The following PHACTR4 variants were observed in gnomAD, a reference collection of about 807,000 sequenced individuals.
The protein encoded by PHACTR4 is phosphatase and actin regulator 4.
PHACTR4 carries 51 observed loss-of-function variants against 72.7 expected under a neutral mutation model. That is an observed-to-expected ratio of 0.70 (90% CI 0.56 to 0.89). The LOEUF is 0.89. PHACTR4 is among the 40% of genes least tolerant of loss of function. PHACTR4 has a pLI of 0.00. For missense variants in PHACTR4, 731 were observed against 861.8 expected (o/e 0.85, Z 1.90); for synonymous variants, 255 against 302.5 (o/e 0.84, Z 1.63).
chr1:28,394,408 C>T (rs935231023), intron 1 of PHACTR4, among the ~76,000 whole-genome samples: 31 of 152,026 alleles, frequency 2.0e-4, no homozygotes, highest in Non-Finnish European at 3.2e-4. Flanking sequence ...GACTTATCAT[C>T]CTGAATAGCT....
intron 2 of PHACTR4, among the ~76,000 whole-genome samples, chr1:28,416,112 A>G (rs1304453586): frequency 6.6e-6 from 1 of 152,172 alleles, no homozygotes; most frequent in Non-Finnish European, 1.5e-5. Context: ...CCTCCTCTTT[A>G]AGAATGAAAG....
At chr1:28,404,900 T>C (rs940446810) in intron 1 of PHACTR4, among the ~76,000 whole-genome samples, 1 of 152,154 alleles carries the variant, frequency 6.6e-6, no homozygotes. Flanking sequence ...TAGGTATTTT[T>C]TCTGATCCTC....
At chr1:28,381,208 GT>G (rs1302078624) in intron 1 of PHACTR4, among the ~76,000 whole-genome samples, 1 of 150,402 alleles carries the variant, frequency 6.6e-6, no homozygotes, top group Non-Finnish European at 1.5e-5. Context: ...GTTTCACCAT[GT>G]TGGCAGTCTG....
intron 2 of PHACTR4, among the ~76,000 whole-genome samples, chr1:28,443,927 T>G (rs1168237404): frequency 6.6e-6 from 1 of 152,132 alleles, no homozygotes; most frequent in Admixed American, 6.6e-5. Context: ...TTCCTTTCCT[T>G]TGGATATATT....
chr1:28,453,446 C>A (rs1658125644), intron 2 of PHACTR4: 2 of 307,928 alleles, frequency 6.5e-6, no homozygotes, highest in Non-Finnish European at 1.2e-5. Flanking sequence ...GTTGAATCGC[C>A]TGATGTGATG....
intron 1 of PHACTR4, among the ~76,000 whole-genome samples, chr1:28,394,373 GAAAAA>G (rs551805558): frequency 1.3e-5 from 2 of 151,302 alleles, no homozygotes. Context: ...AAGAAAAAAA[GAAAAA>G]AAAGAAAAGA....
At chr1:28,446,437 A>G (rs912480641) in intron 2 of PHACTR4, among the ~76,000 whole-genome samples, 1 of 152,208 alleles carries the variant, frequency 6.6e-6, no homozygotes, top group Non-Finnish European at 1.5e-5. Context: ...AACACCATCC[A>G]CTTAGTACTG....
intron 6 of PHACTR4, among the ~76,000 whole-genome samples, chr1:28,469,396 C>T (rs544601081): frequency 6.6e-6 from 1 of 152,264 alleles, no homozygotes; most frequent in South Asian, 2.1e-4. Context: ...AAGGAAAAAC[C>T]ACCAGCAATA....
At position 28,387,001 on chromosome 1, in the gene PHACTR4, G is replaced by A. The variant is rs537308751; in HGVS notation, c.-39+17176G>A. ...CCTCAGGCTGGGCGAGATGGCTCAC[G>A]CCTGTAATCCCAGCACTTTGGGAGG... On this transcript the variant is annotated intron_variant, in intron 1 of 13. Coordinates refer to ENST00000373839, the MANE Select transcript of PHACTR4 (RefSeq NM_001048183.3). 1.2e-4 allele frequency among the ~76,000 whole-genome samples: 19 copies of A among 152,070 alleles called. 1 individual carries two copies. In the South Asian group the frequency reaches 2.9e-3, roughly 23 times the overall value.
At chr1:28,496,385 G>A in intron 13 of PHACTR4, 149 bp from the exon 14 acceptor site, 1 of 810,424 alleles carries the variant, frequency 1.2e-6, no homozygotes, top group Non-Finnish European at 2.0e-6. Context: ...AAGCAGATGA[G>A]GAGTATCAGA....
chr1:28,422,716 A>G lies in PHACTR4; in HGVS notation c.16+15253A>G, dbSNP rs545067718. The G allele has an allele frequency of 3.9e-5, 6 of 152,222 alleles. No homozygotes were observed. The East Asian group carries it at 1.2e-3, about 29-fold the overall frequency. The allele number at this position is 152,222 out of a possible 1,614,324, so 9.4% of individuals were successfully genotyped here. ...GTTTAGTGGCGATTTCTTTAGGGCA[A>G]GTTTTTTGTTTTACCGTGTTTGTTT... On this transcript the variant is annotated intron_variant, in intron 2 of 13. Coordinates refer to ENST00000373839, the MANE Select transcript of PHACTR4 (RefSeq NM_001048183.3).
intron 2 of PHACTR4, among the ~76,000 whole-genome samples, chr1:28,409,236 A>G (rs1654593500): frequency 6.6e-6 from 1 of 151,866 alleles, no homozygotes; most frequent in Admixed American, 6.6e-5. Flanking sequence ...CCTGGGCTCA[A>G]GCAGTCTTCC....
intron 9 of PHACTR4, among the ~76,000 whole-genome samples, chr1:28,487,268 C>A (rs558890284): frequency 9.3e-5 from 14 of 150,950 alleles, no homozygotes; most frequent in African/African-American, 3.4e-4. Flanking sequence ...CGGGAGGCTG[C>A]GGCAGGAGAA....
intron 2 of PHACTR4, among the ~76,000 whole-genome samples, chr1:28,409,372 C>G (rs1484000753): frequency 6.6e-6 from 1 of 152,114 alleles, no homozygotes; most frequent in Non-Finnish European, 1.5e-5. Context: ...CTCCACCACT[C>G]CTGGCCCTAT....
chr1:28,438,963 G>A (rs1656815944), intron 2 of PHACTR4, among the ~76,000 whole-genome samples: 1 of 152,156 alleles, frequency 6.6e-6, no homozygotes, highest in Non-Finnish European at 1.5e-5. Context: ...CTTTTCTGAA[G>A]TTAGTACTTT....
chr1:28,371,276 C>T (rs780318094), intron 1 of PHACTR4, among the ~76,000 whole-genome samples: 5 of 152,092 alleles, frequency 3.3e-5, no homozygotes, highest in Middle Eastern at 3.4e-3. Context: ...CTGTGCCCGA[C>T]TATTTAATTT....
rs148740145 is a variant in PHACTR4 at position 28,490,735 on chromosome 1, C to T, written c.1817-216C>T. 6.0e-3 allele frequency among the ~76,000 whole-genome samples: 907 copies of T among 151,200 alleles called. 4 individuals carry two copies. The highest frequency in any genetic ancestry group is 0.021 in the African/African-American group (864 of 41,184). ...GCATGTGCCTGTAATCCCAGCTACT[C>T]GGGAGGCTGAGACAGGAGAATCGCT... On this transcript the variant is annotated intron_variant, in intron 10 of 13. Transcript: ENST00000373839.
At chr1:28,414,956 C>G (rs1476772140) in intron 2 of PHACTR4, among the ~76,000 whole-genome samples, 2 of 152,020 alleles carry the variant, frequency 1.3e-5, no homozygotes, top group Non-Finnish European at 2.9e-5. Context: ...CTGGTGTATA[C>G]TACCAGTTAA....
chr1:28,492,048 T>A (rs1401495771), intron 12 of PHACTR4, among the ~76,000 whole-genome samples: 3 of 152,210 alleles, frequency 2.0e-5, no homozygotes, highest in Non-Finnish European at 4.4e-5. Context: ...CTGGAAGGAA[T>A]AAATACATTT....
Sources: allele counts gnomAD v4.1 joint callset (sites outside exome capture counted in the v4.1 genomes callset), GRCh38; gene constraint gnomAD v4.1.1; transcripts MANE v1.5; gene names NCBI Gene and HGNC (gene_info 2026-07-23, HGNC 2026-07-21).